The following EOGT variants were observed in gnomAD, a reference collection of about 807,000 sequenced individuals.
EOGT encodes EGF domain specific O-linked N-acetylglucosamine transferase, also known as EGF domain-specific O-linked N-acetylglucosamine transferase.
Under a neutral mutation model 70.5 loss-of-function variants are expected in EOGT, and 55 were observed. The observed-to-expected ratio is 0.78, with a 90% CI of 0.63 to 0.98. The LOEUF is 0.98. Ranked by LOEUF, EOGT falls within the 50% of genes least tolerant of loss-of-function variation. The pLI, the probability that EOGT is intolerant of heterozygous loss-of-function variation, is 0.00. For synonymous variants in EOGT, 246 were observed against 217.1 expected (o/e 1.13, Z -1.17); for missense variants, 703 against 641.9 (o/e 1.10, Z -1.03).
rs372276999 is a variant in EOGT, at chr3:68,976,700, C to T, written c.*918G>A. On this transcript the variant is annotated 3_prime_UTR_variant, in exon 18 of 18. Transcript: ENST00000383701. ...TTTTGCATGTTTTCCTTTCCTACCA[C>T]AAACAGTGTTATAACCAGATTATGG... is the stretch of plus-strand genomic sequence containing the variant. 1.4e-5 allele frequency: 2 copies of T among 144,860 alleles called. No individual in the cohort carries two copies. The highest frequency in any genetic ancestry group is 2.2e-4 in the South Asian group (1 of 4,540). 9.0% of individuals were successfully genotyped at this position (144,860 alleles called of 1,614,324 possible).
At chr3:69,001,458 TC>T in intron 9 of EOGT, 149 bp downstream of exon 9, 1 of 554,836 alleles carries the variant, frequency 1.8e-6, no homozygotes, top group Non-Finnish European at 3.1e-6. Flanking sequence ...TCAAATTAGT[TC>T]AACTACTTCT....
chr3:68,999,070 T>A (rs545662303), intron 9 of EOGT, among the ~76,000 whole-genome samples: 2 of 152,336 alleles, frequency 1.3e-5, no homozygotes, highest in South Asian at 4.1e-4. Context: ...AAGAAGAAGT[T>A]GAATTCCAGC....
chr3:69,004,777 C>T (rs1285831335), intron 7 of EOGT, among the ~76,000 whole-genome samples: 3 of 152,052 alleles, frequency 2.0e-5, no homozygotes, highest in Non-Finnish European at 4.4e-5. Flanking sequence ...AAGATATACC[C>T]CTTCAGCAAG....
At chr3:69,003,929 G>C (rs1466011447) in intron 8 of EOGT, among the ~76,000 whole-genome samples, 1 of 152,010 alleles carries the variant, frequency 6.6e-6, no homozygotes, top group Non-Finnish European at 1.5e-5. Context: ...TTAGATTTGA[G>C]GTCTCATCAT....
chr3:69,002,652 C>T, intron 8 of EOGT, among the ~76,000 whole-genome samples: 1 of 142,964 alleles, frequency 7.0e-6, no homozygotes, highest in Non-Finnish European at 1.5e-5. Context: ...GTTTGCTCAG[C>T]ATGAATTTCT....
At chr3:68,996,053 G>A (rs754707138) in intron 10 of EOGT, among the ~76,000 whole-genome samples, 4 of 152,206 alleles carry the variant, frequency 2.6e-5, no homozygotes, top group Non-Finnish European at 5.9e-5. Flanking sequence ...AATGGCTGGT[G>A]AGTGTGGCCT....
At chr3:68,989,097 A>C in intron 10 of EOGT, 80 bp from the exon 11 acceptor site, 2 of 767,928 alleles carry the variant, frequency 2.6e-6, no homozygotes, top group Non-Finnish European at 2.1e-6. Flanking sequence ...AAAATACCTG[A>C]ATTTGCCTGT....
intron 10 of EOGT, among the ~76,000 whole-genome samples, chr3:68,995,172 C>T (rs1418596151): frequency 6.6e-6 from 1 of 152,176 alleles, no homozygotes; most frequent in Non-Finnish European, 1.5e-5. Flanking sequence ...ACACCATCCA[C>T]CGGGAGGGAT....
At chr3:68,988,220 T>C (rs1472354741) in intron 13 of EOGT, 75 bp downstream of exon 13, 1 of 1,025,040 alleles carries the variant, frequency 9.8e-7, no homozygotes. Flanking sequence ...TATTTCTGTT[T>C]CTGAAAAGGT....
At chr3:68,988,784 G>A (rs2090893178) in intron 11 of EOGT, 141 bp downstream of exon 11, 1 of 632,750 alleles carries the variant, frequency 1.6e-6, no homozygotes, top group Non-Finnish European at 2.6e-6. Flanking sequence ...ACAACACTGA[G>A]GATTCTAATT....
At chr3:68,978,541 G>A in intron 16 of EOGT, 106 bp from the exon 17 acceptor site, 1 of 680,920 alleles carries the variant, frequency 1.5e-6, no homozygotes, top group Non-Finnish European at 2.5e-6. Flanking sequence ...CCTTGCAAAA[G>A]GTTGTAAACA....
chr3:69,006,699 C>T (rs2091446666), intron 6 of EOGT, among the ~76,000 whole-genome samples: 1 of 152,194 alleles, frequency 6.6e-6, no homozygotes, highest in South Asian at 2.1e-4. Context: ...GTCTAAGACT[C>T]AGGATCTGAA....
At chr3:68,996,622 G>A (rs759915892) in intron 10 of EOGT, among the ~76,000 whole-genome samples, 1 of 152,188 alleles carries the variant, frequency 6.6e-6, no homozygotes, top group Admixed American at 6.5e-5. Flanking sequence ...CCTAAGCCAA[G>A]GCATCGCCTG....
At chr3:69,009,599 A>G (rs1206971088) in intron 4 of EOGT, 38 bp downstream of exon 4, 1 of 1,518,466 alleles carries the variant, frequency 6.6e-7, no homozygotes. Context: ...CTGAAATTGC[A>G]TCCTCATAAA....
At chr3:68,994,893 A>G (rs2091100960) in intron 10 of EOGT, among the ~76,000 whole-genome samples, 1 of 152,238 alleles carries the variant, frequency 6.6e-6, no homozygotes, top group Admixed American at 6.5e-5. Context: ...TCTGTTTGAT[A>G]AGAGCAACCC....
chr3:68,980,197 T>C (rs9310133), intron 15 of EOGT, among the ~76,000 whole-genome samples: 1,533 of 152,244 alleles, frequency 0.01, 25 homozygotes, highest in African/African-American at 0.035. Context: ...AAAAGAGAAA[T>C]TGGCAAGTGT....
chr3:68,989,062 T>C, intron 10 of EOGT, 45 bp from the exon 11 acceptor site: 1 of 1,155,560 alleles, frequency 8.7e-7, no homozygotes. Flanking sequence ...TAAAAGGATA[T>C]AACATGACTT....
intron 9 of EOGT, among the ~76,000 whole-genome samples, chr3:68,999,135 G>T (rs1027659645): frequency 6.6e-6 from 1 of 152,186 alleles, no homozygotes. Context: ...CTAAGCTTTA[G>T]CTTCTCTATA....
chr3:69,007,706 T>C lies in EOGT; in HGVS notation c.420+7A>G. ...CAAGTTTATTTAGTAAGGAGCAAAA[T>C]ACCCACCGTTTCCTTAGGCTGACAG... On this transcript the variant is annotated splice_region_variant and intron_variant, in intron 6 of 17. Coordinates refer to ENST00000383701, the MANE Select transcript of EOGT (RefSeq NM_001278689.2). 1 of 1,554,426 alleles carries C rather than the reference T, an allele frequency of 6.4e-7. No individual in the cohort carries two copies. Among genetic ancestry groups the C allele is most frequent in the Non-Finnish European group, 8.8e-7 (1 of 1,137,472 alleles).
Sources: gnomAD v4.1 joint callset for allele counts (sites outside exome capture counted in the v4.1 genomes callset) on GRCh38, gnomAD v4.1.1 for gene constraint, MANE v1.5 for transcripts, NCBI Gene and HGNC (gene_info 2026-07-23, HGNC 2026-07-21) for gene names.